The following SARNP variants were observed in gnomAD, a reference collection of about 807,000 sequenced individuals.
SARNP encodes SAP domain-containing ribonucleoprotein.
A neutral mutation model predicts 38.1 loss-of-function variants in SARNP; 5 were observed. That is an observed-to-expected ratio of 0.13 (90% CI 0.07 to 0.28). The LOEUF (loss-of-function observed/expected upper bound fraction) is 0.28. Ranked by LOEUF, SARNP falls within the 10% of genes least tolerant of loss-of-function variation. The pLI, the probability that SARNP is intolerant of heterozygous loss-of-function variation, is 1.00. For missense variants in SARNP, 180 were observed against 243.9 expected, an observed-to-expected ratio of 0.74 and a Z score of 1.75; for synonymous variants, 84 against 80.6, an observed-to-expected ratio of 1.04 and a Z score of -0.23.
intron 1 of SARNP, among the ~76,000 whole-genome samples, chr12:55,813,601 A>G (rs941166870): frequency 6.8e-6 from 1 of 146,234 alleles, no homozygotes; most frequent in African/African-American, 2.6e-5. Flanking sequence ...CTGGAGTGCA[A>G]TGGTGCCATA....
chr12:55,773,124 A>C (rs1161223334), intron 9 of SARNP, among the ~76,000 whole-genome samples: 1 of 152,200 alleles, frequency 6.6e-6, no homozygotes, highest in Non-Finnish European at 1.5e-5. Context: ...CACTAGGAAA[A>C]CAGATTATTT....
At chr12:55,804,954 T>C (rs1482713271) in intron 1 of SARNP, among the ~76,000 whole-genome samples, 2 of 152,178 alleles carry the variant, frequency 1.3e-5, no homozygotes, top group Admixed American at 6.5e-5. Context: ...TAATGAAAAG[T>C]GGAGAGTTTT....
chr12:55,813,811 T>C (rs1334301155), intron 1 of SARNP, among the ~76,000 whole-genome samples: 1 of 152,186 alleles, frequency 6.6e-6, no homozygotes, highest in Non-Finnish European at 1.5e-5. Context: ...CCCAAAGTAC[T>C]GGGATTACAA....
chr12:55,766,055 A>C (rs1486498418), intron 9 of SARNP, among the ~76,000 whole-genome samples: 1 of 152,168 alleles, frequency 6.6e-6, no homozygotes, highest in Non-Finnish European at 1.5e-5. Context: ...CTCTGCATTC[A>C]TCAGGCCAAT....
chr12:55,760,674 C>T (rs1284534574), intron 9 of SARNP, 34 bp from the exon 10 acceptor site: 1 of 1,420,852 alleles, frequency 7.0e-7, no homozygotes, highest in Non-Finnish European at 1.0e-6. Context: ...TTGAAACAAA[C>T]TAGCCTCCAT....
At chr12:55,807,762 C>T (rs1186142770) in intron 1 of SARNP, among the ~76,000 whole-genome samples, 3 of 149,586 alleles carry the variant, frequency 2.0e-5, no homozygotes, top group African/African-American at 2.5e-5. Context: ...TGCAGTGAGC[C>T]GAGATCGTGC....
Position 55,757,517 on chromosome 12 carries a change from C to A in SARNP, c.628G>T (p.Ala210Ser). 6.2e-7 allele frequency: 1 copy of A among 1,606,330 alleles called. No individual in the cohort carries two copies. The highest frequency in any genetic ancestry group is 8.5e-7 in the Non-Finnish European group (1 of 1,178,050). The change falls in exon 11 of 11, where the codon GCC (alanine) becomes TCC (serine). Residue 210 changes from alanine to serine, a missense_variant. This residue lies in a region of SARNP where 19 missense variants were observed against 49.8 expected (regional missense o/e 0.38). Coordinates refer to ENST00000336133, the MANE Select transcript of SARNP (RefSeq NM_033082.4). ...AAAGTATCAGGAACTTTTCATCAGG[C>A]AATCCCAAAGCGCTCTGCTCTTTTC... The part of the protein sequence containing the change: ...KRKRAERFGI[A>S]
intron 4 of SARNP, among the ~76,000 whole-genome samples, chr12:55,797,095 G>T (rs1879843262): frequency 6.6e-6 from 1 of 152,136 alleles, no homozygotes; most frequent in Non-Finnish European, 1.5e-5. Context: ...TCTCATTAAG[G>T]TCCCTCATTT....
chr12:55,760,276 G>A (rs1172153161), intron 10 of SARNP: 6 of 447,484 alleles, frequency 1.3e-5, no homozygotes, highest in African/African-American at 8.0e-5. Flanking sequence ...TGAGTGCAGA[G>A]GATCGCTTGA....
At chr12:55,775,546 A>G (rs1879156177) in intron 9 of SARNP, among the ~76,000 whole-genome samples, 1 of 145,220 alleles carries the variant, frequency 6.9e-6, no homozygotes, top group Non-Finnish European at 1.5e-5. Flanking sequence ...AAAAAACAAA[A>G]AACAAAAACA....
chr12:55,813,005 G>C (rs1329281022), intron 1 of SARNP, among the ~76,000 whole-genome samples: 1 of 151,930 alleles, frequency 6.6e-6, no homozygotes, highest in Non-Finnish European at 1.5e-5. Flanking sequence ...GGAGTGCAAT[G>C]GCGCGATCTC....
At chr12:55,771,430 C>T (rs751110871) in intron 9 of SARNP, among the ~76,000 whole-genome samples, 6 of 152,200 alleles carry the variant, frequency 3.9e-5, no homozygotes, top group African/African-American at 9.6e-5. Flanking sequence ...TTATTCTCTG[C>T]GACCAAAAGA....
intron 9 of SARNP, among the ~76,000 whole-genome samples, chr12:55,769,873 TAGCTA>T (rs1878954524): frequency 6.6e-6 from 1 of 152,248 alleles, no homozygotes; most frequent in Admixed American, 6.5e-5. Flanking sequence ...TAAGGTCAAC[TAGCTA>T]AGCTATGATG....
chr12:55,796,048 T>C lies in SARNP; in HGVS notation c.280A>G (p.Thr94Ala), dbSNP rs560982243. Residue 94 changes from threonine to alanine, a missense_variant, in exon 5 of 11, where the codon ACA becomes GCA. Physicochemically the swap from Thr to Ala is moderately conservative, Grantham distance 58. Around this residue, in one of 2 missense-constraint regions of SARNP, gnomAD observed 161 missense variants for 194.1 expected, o/e 0.83. Transcript: ENST00000336133. ...ACCTCAGTCTGTGGTATTTCAGATG[T>C]AATTTTCACCACTTTCTTCTCTGCT... The part of the protein sequence containing the change: ...VAAEKKVVKI[T>A]SEIPQTERMQ... The C allele has an allele frequency of 2.5e-6, 4 of 1,610,718 alleles. No homozygotes were observed. Among genetic ancestry groups the C allele is most frequent in the Non-Finnish European group, 3.4e-6 (4 of 1,177,194 alleles).
intron 8 of SARNP, 99 bp from the exon 9 acceptor site, chr12:55,789,242 T>A: frequency 1.3e-6 from 1 of 792,456 alleles, no homozygotes; most frequent in Non-Finnish European, 2.0e-6. Context: ...CAAATAAGCC[T>A]ATAACATCAA....
intron 1 of SARNP, among the ~76,000 whole-genome samples, chr12:55,810,556 G>A (rs867031482): frequency 7.9e-5 from 12 of 151,294 alleles, no homozygotes; most frequent in Non-Finnish European, 1.5e-4. Context: ...CAGTTCAAGC[G>A]ATTCTCCTGC....
intron 10 of SARNP, among the ~76,000 whole-genome samples, chr12:55,759,072 A>T (rs924326619): frequency 2.6e-5 from 4 of 151,832 alleles, no homozygotes; most frequent in Non-Finnish European, 5.9e-5. Flanking sequence ...AGTAGAGATG[A>T]GGTCTCACTA....
Position 55,800,868 on chromosome 12 carries a change from C to T in SARNP, c.169G>A (p.Gly57Arg). 1 of 1,613,272 alleles carries T rather than the reference C, an allele frequency of 6.2e-7. No homozygotes were observed. The highest frequency in any genetic ancestry group is 8.5e-7 in the Non-Finnish European group (1 of 1,179,318). The change falls in exon 3 of 11, where the codon GGA becomes AGA. Residue 57 changes from glycine to arginine, a missense_variant. By Grantham distance (125) the Gly-to-Arg change is moderately radical. This residue lies in a region of SARNP where 161 missense variants were observed against 194.1 expected (regional missense o/e 0.83). Coordinates refer to ENST00000336133, the MANE Select transcript of SARNP (RefSeq NM_033082.4). Reference sequence around the variant, plus strand: ...ATCCAACTCACCTCTGTTTCATCTCCCAGTACATCTTCTTCATTTGCCTCC... The same window carrying T: ...ATCCAACTCACCTCTGTTTCATCTCTCAGTACATCTTCTTCATTTGCCTCC... ...EEEANEEDVL[G>R]DETEEEETKP...
At chr12:55,760,859 T>G in intron 9 of SARNP, 1 of 492,110 alleles carries the variant, frequency 2.0e-6, no homozygotes, top group Non-Finnish European at 3.6e-6. Context: ...AGGGCCTCAA[T>G]ACTCATAAGA....
Sources: gnomAD v4.1 joint callset for allele counts (sites outside exome capture counted in the v4.1 genomes callset) on GRCh38, gnomAD v4.1.1 for gene constraint, gnomAD v4.1.1 regional missense constraint, MANE v1.5 for transcripts, NCBI Gene and HGNC (gene_info 2026-07-23, HGNC 2026-07-21) for gene names.